CAMKMT: variants seen among roughly 807,000 people sequenced by gnomAD.
CAMKMT encodes CaM KMT.
A neutral mutation model predicts 48.0 loss-of-function variants in CAMKMT; 53 were observed. That is an observed-to-expected ratio of 1.10 (90% CI 0.89 to 1.39). CAMKMT has a LOEUF of 1.39. Among genes scored for constraint, CAMKMT ranks in the 40% most tolerant of loss-of-function variants. The pLI is 0.00. For missense variants in CAMKMT, 428 were observed against 402.7 expected, an observed-to-expected ratio of 1.06 and a Z score of -0.54; for synonymous variants, 165 against 152.3, an observed-to-expected ratio of 1.08 and a Z score of -0.61.
At position 44,431,611 on chromosome 2, in the gene CAMKMT, T is replaced by A. The variant is rs535393028; in HGVS notation, c.376+41306T>A. Reference sequence around the variant, plus strand: ...CTCTTCTGATGGAAAAAATGAAAAATCTGTGATAAGAACCTAGGTATTCCC... The same window carrying A: ...CTCTTCTGATGGAAAAAATGAAAAAACTGTGATAAGAACCTAGGTATTCCC... On this transcript the variant is annotated intron_variant, in intron 3 of 10. Transcript: ENST00000378494. Among the ~76,000 whole-genome samples the A allele has an allele frequency of 2.0e-4, 31 of 152,244 alleles. No individual in the cohort carries two copies. The South Asian group carries it at 5.8e-3, about 29-fold the overall frequency.
At chr2:44,385,460 C>T (rs1023429463) in intron 2 of CAMKMT, among the ~76,000 whole-genome samples, 3 of 151,714 alleles carry the variant, frequency 2.0e-5, no homozygotes, top group African/African-American at 7.3e-5. Context: ...TTACTGATGC[C>T]CTTTCTTTCT....
chr2:44,362,252 C>T (rs1385707662), intron 1 of CAMKMT, 107 bp downstream of exon 1: 1 of 1,063,496 alleles, frequency 9.4e-7, no homozygotes, highest in Non-Finnish European at 1.3e-6. Context: ...CTGGGAGACC[C>T]TTCTCAGTTT....
chr2:44,416,865 G>A (rs1012501961), intron 3 of CAMKMT, among the ~76,000 whole-genome samples: 2 of 151,834 alleles, frequency 1.3e-5, no homozygotes, highest in Non-Finnish European at 2.9e-5. Context: ...GTGAGCCACC[G>A]CACCTGGCCA....
chr2:44,545,579 G>A (rs1415759507), intron 3 of CAMKMT, among the ~76,000 whole-genome samples: 2 of 151,488 alleles, frequency 1.3e-5, no homozygotes, highest in African/African-American at 2.4e-5. Flanking sequence ...TTTTGCTGGT[G>A]AGGAAGTTGA....
intron 3 of CAMKMT, among the ~76,000 whole-genome samples, chr2:44,403,815 G>A (rs952837568): frequency 6.6e-6 from 1 of 151,538 alleles, no homozygotes; most frequent in Non-Finnish European, 1.5e-5. Flanking sequence ...TATGGTTCTT[G>A]TCAAATCTAC....
At chr2:44,620,689 C>T (rs7593487) in intron 3 of CAMKMT, among the ~76,000 whole-genome samples, 1 of 151,974 alleles carries the variant, frequency 6.6e-6, no homozygotes, top group Non-Finnish European at 1.5e-5. Flanking sequence ...AGTTATTTCA[C>T]ACTTCTTCCT....
chr2:44,622,496 T>C (rs1672254831), intron 3 of CAMKMT, among the ~76,000 whole-genome samples: 1 of 152,176 alleles, frequency 6.6e-6, no homozygotes, highest in Non-Finnish European at 1.5e-5. Flanking sequence ...GTCATCTTCC[T>C]TCCCTCCTTC....
At chr2:44,498,447 C>T (rs557323215) in intron 3 of CAMKMT, among the ~76,000 whole-genome samples, 1 of 152,334 alleles carries the variant, frequency 6.6e-6, no homozygotes, top group East Asian at 1.9e-4. Flanking sequence ...CATCAACACA[C>T]ATATACATTC....
At chr2:44,459,071 C>T (rs1667721338) in intron 3 of CAMKMT, among the ~76,000 whole-genome samples, 1 of 151,782 alleles carries the variant, frequency 6.6e-6, no homozygotes, top group South Asian at 2.1e-4. Context: ...TCTGGGCCAG[C>T]TGCTCTACCT....
intron 3 of CAMKMT, among the ~76,000 whole-genome samples, chr2:44,480,433 CAG>C (rs1480179522): frequency 6.6e-6 from 1 of 152,086 alleles, no homozygotes; most frequent in Non-Finnish European, 1.5e-5. Context: ...GTGTTTAGTT[CAG>C]AGAGTTGCAA....
At chr2:44,601,387 C>T (rs1020085426) in intron 3 of CAMKMT, among the ~76,000 whole-genome samples, 6 of 151,974 alleles carry the variant, frequency 3.9e-5, no homozygotes, top group African/African-American at 7.3e-5. Context: ...ACCCTGGAGG[C>T]GGAGGTTGCG....
intron 3 of CAMKMT, among the ~76,000 whole-genome samples, chr2:44,563,100 T>G (rs1272541416): frequency 1.3e-5 from 2 of 152,178 alleles, no homozygotes; most frequent in Non-Finnish European, 2.9e-5. Context: ...GGCCGAGAGA[T>G]TAAATTAAAA....
chr2:44,607,406 C>T (rs1041082175), intron 3 of CAMKMT, among the ~76,000 whole-genome samples: 3 of 152,162 alleles, frequency 2.0e-5, no homozygotes, highest in African/African-American at 7.2e-5. Flanking sequence ...TTTAAATTAT[C>T]AGTACCAGTG....
At chr2:44,362,314 A>T (rs1015778322) in intron 1 of CAMKMT, among the ~76,000 whole-genome samples, 169 bp downstream of exon 1, 1 of 152,100 alleles carries the variant, frequency 6.6e-6, no homozygotes, top group Non-Finnish European at 1.5e-5. Context: ...CGTCCCATCC[A>T]AGAGGAGGAA....
intron 2 of CAMKMT, among the ~76,000 whole-genome samples, chr2:44,382,664 A>G (rs895716393): frequency 1.3e-5 from 2 of 151,694 alleles, no homozygotes; most frequent in Admixed American, 1.3e-4. Flanking sequence ...TATTTTTAGT[A>G]GATACAGGGT....
chr2:44,544,111 C>G (rs1018916589), intron 3 of CAMKMT, among the ~76,000 whole-genome samples: 28 of 151,722 alleles, frequency 1.8e-4, no homozygotes, highest in Non-Finnish European at 3.7e-4. Flanking sequence ...TTAGTGCTCC[C>G]CAAAAGAGGA....
At chr2:44,387,939 G>A (rs1295235146) in intron 2 of CAMKMT, among the ~76,000 whole-genome samples, 1 of 152,176 alleles carries the variant, frequency 6.6e-6, no homozygotes, top group Non-Finnish European at 1.5e-5. Flanking sequence ...GTTACCTGGT[G>A]CTTTTGCCTC....
intron 3 of CAMKMT, among the ~76,000 whole-genome samples, chr2:44,624,582 G>GT (rs912552326): frequency 2.4e-4 from 37 of 152,168 alleles, no homozygotes; most frequent in African/African-American, 7.5e-4. Context: ...GCGGTGTTTG[G>GT]TTTTTTGTCC....
At chr2:44,617,350 T>G (rs1671948699) in intron 3 of CAMKMT, among the ~76,000 whole-genome samples, 1 of 152,196 alleles carries the variant, frequency 6.6e-6, no homozygotes, top group African/African-American at 2.4e-5. Context: ...TTATTATTGT[T>G]GAATTGCCAA....
Sources: gnomAD v4.1 joint callset for allele counts (sites outside exome capture counted in the v4.1 genomes callset) on GRCh38, gnomAD v4.1.1 for gene constraint, MANE v1.5 for transcripts, NCBI Gene and HGNC (gene_info 2026-07-23, HGNC 2026-07-21) for gene names.